The following SPIDR variants were observed in gnomAD, a reference collection of about 807,000 sequenced individuals.
SPIDR encodes scaffold protein involved in DNA repair, also known as DNA repair-scaffolding protein.
Under a neutral mutation model 104.6 loss-of-function variants are expected in SPIDR, and 93 were observed. That is an observed-to-expected ratio of 0.89 (90% confidence interval 0.75 to 1.06). SPIDR has a LOEUF of 1.06. Ranked by LOEUF, SPIDR falls within the 50% of genes least tolerant of loss-of-function variation. SPIDR has a pLI of 0.00. For missense variants in SPIDR, 1,154 were observed against 1,111.2 expected, an observed-to-expected ratio of 1.04 and a Z score of -0.55; for synonymous variants, 431 against 416.9, an observed-to-expected ratio of 1.03 and a Z score of -0.41.
intron 7 of SPIDR, among the ~76,000 whole-genome samples, chr8:47,410,904 G>C (rs1385770140): frequency 1.3e-5 from 2 of 152,136 alleles, no homozygotes; most frequent in Non-Finnish European, 2.9e-5. Context: ...GTGAGAACAC[G>C]TGGTGTTCGG....
intron 8 of SPIDR, among the ~76,000 whole-genome samples, chr8:47,485,540 G>A (rs1319570075): frequency 6.6e-6 from 1 of 152,200 alleles, no homozygotes; most frequent in Non-Finnish European, 1.5e-5. Context: ...ATCTGAGAAC[G>A]GACAGACTGC....
chr8:47,480,863 T>C (rs1471068865), intron 8 of SPIDR, among the ~76,000 whole-genome samples: 1 of 152,264 alleles, frequency 6.6e-6, no homozygotes, highest in Non-Finnish European at 1.5e-5. Flanking sequence ...ATGGGTTTGA[T>C]TTGTCATTGT....
chr8:47,398,066 G>C (rs139206062), intron 6 of SPIDR, among the ~76,000 whole-genome samples: 18 of 152,274 alleles, frequency 1.2e-4, no homozygotes, highest in African/African-American at 4.3e-4. Flanking sequence ...CGAGACAGGA[G>C]GCCTTATGCC....
intron 6 of SPIDR, among the ~76,000 whole-genome samples, chr8:47,406,681 G>T (rs1289654460): frequency 2.0e-5 from 3 of 152,128 alleles, no homozygotes; most frequent in Non-Finnish European, 2.9e-5. Flanking sequence ...TATATAGGCT[G>T]CAAGTGAAAA....
intron 6 of SPIDR, among the ~76,000 whole-genome samples, chr8:47,407,612 A>G (rs539285535): frequency 6.6e-6 from 1 of 152,244 alleles, no homozygotes; most frequent in Non-Finnish European, 1.5e-5. Flanking sequence ...CATATTTCCA[A>G]GAATGTGATG....
chr8:47,573,167 G>A (rs1312687511), intron 8 of SPIDR, among the ~76,000 whole-genome samples: 1 of 152,210 alleles, frequency 6.6e-6, no homozygotes, highest in African/African-American at 2.4e-5. Context: ...GAAGTTACGA[G>A]TGAAAAGTCC....
intron 8 of SPIDR, among the ~76,000 whole-genome samples, chr8:47,562,777 A>G (rs942688968): frequency 6.6e-6 from 1 of 152,164 alleles, no homozygotes; most frequent in Non-Finnish European, 1.5e-5. Flanking sequence ...GGAAGAGAAC[A>G]GGGAAGAGAC....
intron 11 of SPIDR, among the ~76,000 whole-genome samples, chr8:47,675,406 T>C (rs2076299627): frequency 6.6e-6 from 1 of 152,250 alleles, no homozygotes; most frequent in South Asian, 2.1e-4. Flanking sequence ...AATTGCATTA[T>C]GTATTTGGGG....
In SPIDR at chr8:47,673,899, G is replaced by A; in HGVS notation, c.1643G>A (p.Ser548Asn). The change falls in exon 11 of 20, where the codon AGC becomes AAC. Residue 548 changes from serine to asparagine, a missense_variant. By Grantham distance (46) the Ser-to-Asn change is conservative. Coordinates refer to ENST00000297423, the MANE Select transcript of SPIDR (RefSeq NM_001080394.4). Reference sequence around the variant, plus strand: ...AGACAGTTGGAAGGGAAGTCTTGCAGCCTGGTGGGAATGAAGGTTCTACAG... The same window carrying A: ...AGACAGTTGGAAGGGAAGTCTTGCAACCTGGTGGGAATGAAGGTTCTACAG... ...KARQLEGKSC[S>N]LVGMKVLQKV... 1 of 1,614,160 alleles carries A rather than the reference G, an allele frequency of 6.2e-7. No individual in the cohort carries two copies. Among genetic ancestry groups the A allele is most frequent in the Non-Finnish European group, 8.5e-7 (1 of 1,180,022 alleles).
At chr8:47,261,070 C>G (rs2032029744) in intron 1 of SPIDR, 79 bp downstream of exon 1, 2 of 1,215,730 alleles carry the variant, frequency 1.6e-6, no homozygotes, top group African/African-American at 3.1e-5. Context: ...GGGCTGGCCC[C>G]GTTGTGCTGG....
At chr8:47,729,369 G>A (rs886839551) in intron 18 of SPIDR, 43 bp from the exon 19 acceptor site, 1 of 1,562,480 alleles carries the variant, frequency 6.4e-7, no homozygotes, top group Admixed American at 1.9e-5. Context: ...AGCACTTACT[G>A]TGTTGGAGGG....
At chr8:47,343,431 C>G (rs2051170127) in intron 5 of SPIDR, among the ~76,000 whole-genome samples, 1 of 152,088 alleles carries the variant, frequency 6.6e-6, no homozygotes, top group Non-Finnish European at 1.5e-5. Flanking sequence ...GAAACAGGGT[C>G]ACTGTGCACT....
intron 10 of SPIDR, among the ~76,000 whole-genome samples, chr8:47,612,698 A>T (rs2063755217): frequency 6.6e-6 from 1 of 152,238 alleles, no homozygotes. Context: ...ATGAAGCCAC[A>T]TACCTGTGAG....
chr8:47,488,161 A>G (rs2078024815), intron 8 of SPIDR, among the ~76,000 whole-genome samples: 1 of 152,228 alleles, frequency 6.6e-6, no homozygotes, highest in African/African-American at 2.4e-5. Flanking sequence ...AAAAAATGAT[A>G]AAGGGGATAT....
chr8:47,402,860 A>G (rs1266856774), intron 6 of SPIDR, among the ~76,000 whole-genome samples: 2 of 152,248 alleles, frequency 1.3e-5, no homozygotes, highest in Admixed American at 6.5e-5. Flanking sequence ...TTATGAGGCC[A>G]GCATCATCCT....
rs139233504 is a variant in SPIDR at position 47,334,148 on chromosome 8, T to A, written c.525+40118T>A. Among the ~76,000 whole-genome samples, 129 of 152,342 alleles carry A rather than the reference T, an allele frequency of 8.5e-4. 1 individual carries two copies. Among genetic ancestry groups the A allele is most frequent in the Middle Eastern group, 3.4e-3 (1 of 294 alleles). ...GATCTTAGAGAAGATGTTATATAAT[T>A]TCTGTTTTTAAAAATTTGTTAACAT... is the stretch of plus-strand genomic sequence containing the variant. On this transcript the variant is annotated intron_variant, in intron 5 of 19. Transcript: ENST00000297423.
At chr8:47,692,346 T>TC (rs2078769868) in intron 11 of SPIDR, among the ~76,000 whole-genome samples, 3 of 152,086 alleles carry the variant, frequency 2.0e-5, no homozygotes, top group Admixed American at 2.0e-4. Context: ...CAGCAGCCAC[T>TC]CCTCTGCTTT....
chr8:47,723,371 T>A (rs1436930733), intron 16 of SPIDR, among the ~76,000 whole-genome samples: 1 of 152,158 alleles, frequency 6.6e-6, no homozygotes, highest in African/African-American at 2.4e-5. Context: ...TATTCTGATT[T>A]TTATTGAACA....
At chr8:47,709,969 C>T (rs1331451739) in intron 14 of SPIDR, among the ~76,000 whole-genome samples, 1 of 150,342 alleles carries the variant, frequency 6.7e-6, no homozygotes, top group African/African-American at 2.5e-5. Flanking sequence ...CCTCCGCCTA[C>T]TGGGTTCAAG....
Sources: allele counts gnomAD v4.1 joint callset (sites outside exome capture counted in the v4.1 genomes callset), GRCh38; gene constraint gnomAD v4.1.1; transcripts MANE v1.5; gene names NCBI Gene and HGNC (gene_info 2026-07-23, HGNC 2026-07-21).